The following PLD5 variants were observed in gnomAD, a reference collection of about 807,000 sequenced individuals.
PLD5 encodes the protein inactive phospholipase D5.
A neutral mutation model predicts 61.1 loss-of-function variants in PLD5; 36 were observed. The ratio of observed to expected loss-of-function variants is 0.59; its 90% CI spans 0.45 to 0.78. The LOEUF is 0.78. Ranked by LOEUF, PLD5 falls within the 30% of genes least tolerant of loss-of-function variation. The pLI is 0.00. For missense variants in PLD5, 515 were observed against 644.4 expected (o/e 0.80, Z 2.17); for synonymous variants, 243 against 242.8 (o/e 1.00, Z -0.01).
At chr1:242,480,102 T>C (rs890950066) in intron 1 of PLD5, among the ~76,000 whole-genome samples, 2 of 151,882 alleles carry the variant, frequency 1.3e-5, no homozygotes, top group African/African-American at 2.4e-5. Context: ...ATAATTTGAC[T>C]TCAAGACATA....
chr1:242,512,213 C>T (rs887814789), intron 1 of PLD5, among the ~76,000 whole-genome samples: 5 of 150,884 alleles, frequency 3.3e-5, no homozygotes, highest in East Asian at 3.9e-4. Context: ...AGATCGAGAC[C>T]ATCCTGGCTA....
chr1:242,454,331 C>A (rs1178881114), intron 1 of PLD5, among the ~76,000 whole-genome samples: 175 of 127,992 alleles, frequency 1.4e-3, no homozygotes, highest in Middle Eastern at 4.0e-3. Flanking sequence ...GACTCCGTGT[C>A]AAAAAAAAAA....
intron 3 of PLD5, among the ~76,000 whole-genome samples, chr1:242,283,824 A>G (rs1837400): frequency 0.66 from 99,664 of 151,484 alleles, 33,096 homozygotes; most frequent in African/African-American, 0.75. Context: ...AAAGGTTTGG[A>G]TAGTCTTGAA....
chr1:242,400,260 C>T (rs549211652), intron 1 of PLD5, among the ~76,000 whole-genome samples: 1 of 147,344 alleles, frequency 6.8e-6, no homozygotes, highest in Admixed American at 6.8e-5. Context: ...TCCCACCCAC[C>T]CCCACCCCCA....
At chr1:242,128,757 A>G (rs778964019) in intron 5 of PLD5, among the ~76,000 whole-genome samples, 1 of 152,104 alleles carries the variant, frequency 6.6e-6, no homozygotes, top group Non-Finnish European at 1.5e-5. Context: ...CCTAGTTAGG[A>G]TGTAGCAAGT....
intron 5 of PLD5, among the ~76,000 whole-genome samples, chr1:242,133,186 CTGAT>C (rs1267640011): frequency 2.6e-5 from 4 of 152,156 alleles, no homozygotes; most frequent in Non-Finnish European, 4.4e-5. Context: ...ACTTCAGCCT[CTGAT>C]TGGTCACCCT....
intron 1 of PLD5, among the ~76,000 whole-genome samples, chr1:242,515,561 T>C (rs1400654868): frequency 1.3e-5 from 2 of 152,254 alleles, no homozygotes; most frequent in African/African-American, 4.8e-5. Flanking sequence ...TCTATGTCTG[T>C]CTTCTTTCGT....
intron 4 of PLD5, among the ~76,000 whole-genome samples, chr1:242,239,451 C>T (rs993631636): frequency 6.6e-6 from 1 of 152,168 alleles, no homozygotes; most frequent in Non-Finnish European, 1.5e-5. Flanking sequence ...TTATAACCAT[C>T]GGAATTATCA....
intron 1 of PLD5, among the ~76,000 whole-genome samples, chr1:242,394,929 CATTATATGAATATATATG>C (rs2149270975): frequency 2.2e-5 from 1 of 45,776 alleles, no homozygotes; most frequent in South Asian, 9.3e-4. Flanking sequence ...TATATGTATA[CATTATATGAATATATATG>C]ATTATATATG....
intron 5 of PLD5, among the ~76,000 whole-genome samples, chr1:242,193,402 G>T (rs1304576656): frequency 6.6e-6 from 1 of 152,174 alleles, no homozygotes; most frequent in Non-Finnish European, 1.5e-5. Context: ...GAGAGAAAAG[G>T]TGAAGATTTA....
At chr1:242,125,804 G>C (rs1244056154) in intron 5 of PLD5, among the ~76,000 whole-genome samples, 2 of 151,996 alleles carry the variant, frequency 1.3e-5, no homozygotes, top group Non-Finnish European at 2.9e-5. Context: ...GTCTCTCTTT[G>C]CTCCCAGGAC....
chr1:242,263,700 G>A (rs1673498131), intron 4 of PLD5, among the ~76,000 whole-genome samples: 2 of 150,500 alleles, frequency 1.3e-5, no homozygotes, highest in African/African-American at 2.5e-5. Context: ...CTAAGTTGTA[G>A]TAGTATCTAC....
intron 5 of PLD5, among the ~76,000 whole-genome samples, chr1:242,168,846 G>GTTTGTTT (rs1553314394): frequency 3.6e-5 from 4 of 111,266 alleles, no homozygotes; most frequent in African/African-American, 1.5e-4. Context: ...AATTAATGAA[G>GTTTGTTT]TTTTTTTTTT....
intron 1 of PLD5, among the ~76,000 whole-genome samples, chr1:242,382,648 A>G (rs1336285492): frequency 6.6e-6 from 1 of 152,172 alleles, no homozygotes; most frequent in East Asian, 1.9e-4. Flanking sequence ...GGAAGGTTGG[A>G]GAAGCACTGA....
At chr1:242,180,189 G>T (rs1667434198) in intron 5 of PLD5, among the ~76,000 whole-genome samples, 1 of 152,136 alleles carries the variant, frequency 6.6e-6, no homozygotes, top group Non-Finnish European at 1.5e-5. Context: ...GGCACTCATT[G>T]TGAGATGTGG....
At chr1:242,342,896 T>G (rs868382072) in intron 2 of PLD5, among the ~76,000 whole-genome samples, 1 of 152,086 alleles carries the variant, frequency 6.6e-6, no homozygotes, top group Admixed American at 6.5e-5. Context: ...TTATCCACTA[T>G]CAGTACAGTA....
intron 3 of PLD5, among the ~76,000 whole-genome samples, chr1:242,287,321 C>A (rs1369461166): frequency 6.6e-6 from 1 of 152,142 alleles, no homozygotes; most frequent in Non-Finnish European, 1.5e-5. Flanking sequence ...GAATCATGAA[C>A]AAATAGATAC....
chr1:242,226,773 T>C (rs1483419964), intron 4 of PLD5, among the ~76,000 whole-genome samples: 1 of 152,194 alleles, frequency 6.6e-6, no homozygotes, highest in Non-Finnish European at 1.5e-5. Context: ...TTCATTGAAA[T>C]TTAATAGAGA....
At chr1:242,480,121 C>T (rs1667726116) in intron 1 of PLD5, among the ~76,000 whole-genome samples, 2 of 151,494 alleles carry the variant, frequency 1.3e-5, no homozygotes, top group Admixed American at 1.3e-4. Flanking sequence ...TACTTTCAAA[C>T]TGCAGTAATT....
Sources: allele counts gnomAD v4.1 joint callset (sites outside exome capture counted in the v4.1 genomes callset), GRCh38; gene constraint gnomAD v4.1.1; transcripts MANE v1.5; gene names NCBI Gene and HGNC (gene_info 2026-07-23, HGNC 2026-07-21).